The following SORL1 variants were observed in gnomAD, a reference collection of about 807,000 sequenced individuals.
The protein encoded by SORL1 is sortilin-related receptor.
In SORL1, 127 loss-of-function variants were observed where a neutral mutation model predicts 273.7. The observed-to-expected ratio is 0.46, with a 90% CI of 0.40 to 0.54. The LOEUF (loss-of-function observed/expected upper bound fraction) is 0.54, where lower values mean the gene tolerates loss of function less well. SORL1 is among the 20% of genes least tolerant of loss of function. The pLI is 0.00. For missense variants in SORL1, 2,494 were observed against 2,846.1 expected, an observed-to-expected ratio of 0.88 and a Z score of 2.81; for synonymous variants, 1,031 against 1,067.4, an observed-to-expected ratio of 0.97 and a Z score of 0.66.
rs1863046392 is a variant in SORL1, at chr11:121,583,556, G to T, written c.3679G>T (p.Gly1227Cys). ...ACDGDTDCQD[G>C]SDEDPVNCEK... Reference sequence around the variant, plus strand: ...TGACGGGGATACGGACTGCCAGGATGGTTCCGATGAGGATCCAGTCAACTG... The same window carrying T: ...TGACGGGGATACGGACTGCCAGGATTGTTCCGATGAGGATCCAGTCAACTG... The change falls in exon 26 of 48, where the codon GGT becomes TGT. Residue 1227 changes from glycine to cysteine, a missense_variant. Physicochemically the swap from Gly to Cys is radical, Grantham distance 159. This residue lies in a region of SORL1 where 1,609 missense variants were observed against 1,816.4 expected (regional missense o/e 0.89). Transcript: ENST00000260197. 6.2e-7 allele frequency: 1 copy of T among 1,611,990 alleles called. No homozygotes were observed. The highest frequency in any genetic ancestry group is 8.5e-7 in the Non-Finnish European group (1 of 1,179,036).
rs757243189 is a variant in SORL1, at chr11:121,554,025, C to T, written c.2355C>T (p.Thr785=). 108 of 1,614,044 alleles carry T rather than the reference C, an allele frequency of 6.7e-5. 2 individuals carry two copies. In the South Asian group the frequency reaches 8.6e-4, roughly 13 times the overall value. The change falls in exon 17 of 48, where the codon ACC becomes ACT. Residue 785 remains threonine (T), a synonymous_variant. Transcript: ENST00000260197. The surrounding 1 kb of genome is among the most constrained non-coding windows in gnomAD (Gnocchi z 4.6). Reference sequence around the variant, plus strand: ...GAGCCACCGAGCAGTTGCCTCTCACCGGGCTACGGGCAGCAGTGGCCCTGG... The same window carrying T: ...GAGCCACCGAGCAGTTGCCTCTCACTGGGCTACGGGCAGCAGTGGCCCTGG... ...ASGATEQLPL[T]GLRAAVALDF... is the part of the protein sequence containing the mutation.
At chr11:121,573,262 A>G (rs565378222) in intron 23 of SORL1, among the ~76,000 whole-genome samples, 16 of 152,182 alleles carry the variant, frequency 1.1e-4, no homozygotes, top group Non-Finnish European at 2.2e-4. Flanking sequence ...TCTTCATAAT[A>G]ATGCTACCAA....
intron 6 of SORL1, 92 bp downstream of exon 6, chr11:121,497,141 G>A: frequency 9.8e-7 from 1 of 1,018,550 alleles, no homozygotes; most frequent in South Asian, 1.5e-5. Flanking sequence ...TGCATACACA[G>A]GAATTGGAAG....
At chr11:121,611,238 T>G (rs1229355261) in intron 39 of SORL1, 80 bp downstream of exon 39, 1 of 1,006,948 alleles carries the variant, frequency 9.9e-7, no homozygotes, top group Non-Finnish European at 1.5e-6. Flanking sequence ...ACAGTAAGAC[T>G]GGAAAAAAAC....
intron 2 of SORL1, 67 bp from the exon 3 acceptor site, chr11:121,478,051 A>T: frequency 7.0e-7 from 1 of 1,422,402 alleles, no homozygotes; most frequent in Non-Finnish European, 9.4e-7. Flanking sequence ...AAAAAAAAAA[A>T]AGAAAGATCT....
chr11:121,459,929 T>TTGC (rs994621480), intron 1 of SORL1, among the ~76,000 whole-genome samples: 4 of 152,250 alleles, frequency 2.6e-5, no homozygotes, highest in African/African-American at 9.6e-5. Flanking sequence ...GCCATTGCTG[T>TTGC]TGCTGCTGCT....
chr11:121,575,974 C>G (rs867658420), intron 24 of SORL1, among the ~76,000 whole-genome samples: 2 of 152,190 alleles, frequency 1.3e-5, no homozygotes, highest in African/African-American at 2.4e-5. Context: ...TGATGCAGGT[C>G]CTCTTCGTAA....
Position 121,543,640 on chromosome 11 carries a change from A to G in SORL1, c.1778A>G (p.Lys593Arg). The change falls in exon 13 of 48, where the codon AAG (lysine) becomes AGG (arginine). Residue 593 changes from lysine to arginine, a missense_variant. Lys to Arg is a conservative substitution (Grantham distance 26). Transcript: ENST00000260197. Reference protein sequence around the residue: ...VYGLLTEPGEKSTVFTIFGSN... With the variant: ...VYGLLTEPGERSTVFTIFGSN... ...GGCCTCCTCACAGAACCTGGGGAGA[A>G]GAGCACTGTCTTCACCATCTTTGGC... 1.2e-6 allele frequency: 2 copies of G among 1,614,194 alleles called. No individual in the cohort carries two copies. Among genetic ancestry groups the G allele is most frequent in the Non-Finnish European group, 1.7e-6 (2 of 1,180,004 alleles).
intron 28 of SORL1, among the ~76,000 whole-genome samples, chr11:121,588,838 G>A (rs1863162409): frequency 6.6e-6 from 1 of 152,082 alleles, no homozygotes; most frequent in African/African-American, 2.4e-5. Flanking sequence ...CTTCTCCCTG[G>A]CTCTTCACAC....
At chr11:121,476,347 G>C (rs1394041890) in intron 2 of SORL1, among the ~76,000 whole-genome samples, 1 of 152,146 alleles carries the variant, frequency 6.6e-6, no homozygotes, top group African/African-American at 2.4e-5. Flanking sequence ...TGGTAGTTGG[G>C]AACACATACT....
intron 2 of SORL1, among the ~76,000 whole-genome samples, chr11:121,473,837 G>C (rs1861214425): frequency 6.6e-6 from 1 of 152,170 alleles, no homozygotes; most frequent in Non-Finnish European, 1.5e-5. Context: ...GGAGGTTGCA[G>C]TGAGTTGTGA....
At position 121,456,588 on chromosome 11, in the gene SORL1, G is replaced by T. The variant is rs535097702; in HGVS notation, c.285+3972G>T. On this transcript the variant is annotated intron_variant, in intron 1 of 47. Transcript: ENST00000260197. ...GAGCCCTGATTTGCCTGTGCTATAT[G>T]GGAGTTATTTTCAATGAAGAGCTTG... is the stretch of plus-strand genomic sequence containing the variant. Among the ~76,000 whole-genome samples the T allele has an allele frequency of 1.4e-4, 21 of 152,338 alleles. No homozygotes were observed. The East Asian group carries it at 2.7e-3, about 20-fold the overall frequency.
At chr11:121,589,430 A>G (rs1404396485) in intron 29 of SORL1, 40 bp downstream of exon 29, 43 of 1,608,908 alleles carry the variant, frequency 2.7e-5, no homozygotes, top group Non-Finnish European at 3.6e-5. Flanking sequence ...CTAATCCTCT[A>G]GTTAACAGTG....
rs764236279 is a variant in SORL1 at position 121,588,137 on chromosome 11, C to T, written c.3932C>T (p.Ala1311Val). 56 of 1,613,016 alleles carry T rather than the reference C, an allele frequency of 3.5e-5. No homozygotes were observed. Among genetic ancestry groups the T allele is most frequent in the South Asian group, 9.9e-5 (9 of 91,022 alleles). The change falls in exon 28 of 48, where the codon GCG (alanine) becomes GTG (valine). Residue 1311 changes from alanine (A) to valine (V), a missense_variant. Around this residue, in one of 3 missense-constraint regions of SORL1, gnomAD observed 1,609 missense variants for 1,816.4 expected, o/e 0.89. Coordinates refer to ENST00000260197, the MANE Select transcript of SORL1 (RefSeq NM_003105.6). The part of the protein sequence containing the change: ...QCRDGSDEDA[A>V]FAGCSQDPEF... ...CGCGACGGGTCCGATGAGGATGCGG[C>T]GTTTGCAGGATGCTGTGAGTTGGGG...
chr11:121,587,876 G>A (rs1863141966), intron 27 of SORL1, 144 bp from the exon 28 acceptor site: 2 of 845,694 alleles, frequency 2.4e-6, no homozygotes, highest in Admixed American at 2.6e-5. Flanking sequence ...CTCTAGGCTT[G>A]GCAGAAAACA....
intron 4 of SORL1, among the ~76,000 whole-genome samples, chr11:121,488,759 C>G (rs1861511804): frequency 6.6e-6 from 1 of 152,182 alleles, no homozygotes; most frequent in Non-Finnish European, 1.5e-5. Flanking sequence ...AGACTTATAT[C>G]TCAAGGTTGA....
At chr11:121,469,191 A>G (rs1167405183) in intron 1 of SORL1, among the ~76,000 whole-genome samples, 2 of 152,166 alleles carry the variant, frequency 1.3e-5, no homozygotes, top group Non-Finnish European at 2.9e-5. Flanking sequence ...AGAGGACTGC[A>G]TGGGGGCCAG....
chr11:121,497,064 C>A lies in SORL1; in HGVS notation c.939+15C>A. On this transcript the variant is annotated intron_variant, in intron 6 of 47. Coordinates refer to ENST00000260197, the MANE Select transcript of SORL1 (RefSeq NM_003105.6). ...CAAAGGTGGTGGTAAGTTGAATGTA[C>A]TAAAGAATAAACTACTTTTGAGTTT... 1 of 1,606,470 alleles carries A rather than the reference C, an allele frequency of 6.2e-7. No individual in the cohort carries two copies. Among genetic ancestry groups the A allele is most frequent in the Non-Finnish European group, 8.5e-7 (1 of 1,176,086 alleles).
At position 121,469,996 on chromosome 11, in the gene SORL1, A is replaced by C. The variant is rs372499441; in HGVS notation, c.286-11A>C. The C allele has an allele frequency of 2.5e-6, 4 of 1,578,560 alleles. No homozygotes were observed. The African/African-American group carries it at 5.4e-5, about 21-fold the overall frequency. ...ATCGTGGGTCCTAATTCCTACATTG[A>C]TCTCTTTCAGGTTAGTCTGAATGAT... On this transcript the variant is annotated splice_polypyrimidine_tract_variant and intron_variant, in intron 1 of 47. Coordinates refer to ENST00000260197, the MANE Select transcript of SORL1 (RefSeq NM_003105.6).
Sources: gnomAD v4.1 joint callset for allele counts (sites outside exome capture counted in the v4.1 genomes callset) on GRCh38, gnomAD v4.1.1 for gene constraint, gnomAD v4.1.1 regional missense constraint, Gnocchi (gnomAD v3.1) non-coding constraint, MANE v1.5 for transcripts, NCBI Gene and HGNC (gene_info 2026-07-23, HGNC 2026-07-21) for gene names.